Variants in ITPR2 observed in about 807,000 individuals in gnomAD.
ITPR2 encodes inositol 1,4,5-trisphosphate receptor type 2.
A neutral mutation model predicts 317.1 loss-of-function variants in ITPR2; 207 were observed. The observed-to-expected ratio is 0.65, with a 90% confidence interval of 0.58 to 0.73. The LOEUF is 0.73. Ranked by LOEUF, ITPR2 falls within the 30% of genes least tolerant of loss-of-function variation. The pLI, the probability that ITPR2 is intolerant of heterozygous loss-of-function variation, is 0.00. For synonymous variants in ITPR2, 1,156 were observed against 1,149.1 expected (o/e 1.01, Z -0.12); for missense variants, 2,613 against 3,284.0 (o/e 0.80, Z 4.99).
intron 54 of ITPR2, among the ~76,000 whole-genome samples, chr12:26,391,556 C>CTT (rs1555117374): frequency 3.4e-4 from 34 of 98,598 alleles, no homozygotes; most frequent in African/African-American, 1.2e-3. Context: ...TCTTCTTTTC[C>CTT]TTTTTTTTTT....
intron 32 of ITPR2, among the ~76,000 whole-genome samples, chr12:26,594,455 A>G (rs1412993958): frequency 6.6e-6 from 1 of 152,020 alleles, no homozygotes; most frequent in Non-Finnish European, 1.5e-5. Context: ...CAGTGAGCTA[A>G]CAGATAACAG....
intron 1 of ITPR2, among the ~76,000 whole-genome samples, chr12:26,815,465 A>G (rs117657104): frequency 0.011 from 1,695 of 152,348 alleles, 16 homozygotes; most frequent in Non-Finnish European, 0.016. Context: ...GTTTCTTTCT[A>G]TTACTATGTT....
At chr12:26,598,164 C>T (rs1201323558) in intron 30 of ITPR2, among the ~76,000 whole-genome samples, 1 of 152,066 alleles carries the variant, frequency 6.6e-6, no homozygotes, top group African/African-American at 2.4e-5. Context: ...CAATGAAGAG[C>T]TAATGTGTAG....
At chr12:26,449,235 G>A (rs1941682004) in intron 45 of ITPR2, among the ~76,000 whole-genome samples, 2 of 152,090 alleles carry the variant, frequency 1.3e-5, no homozygotes. Flanking sequence ...CCTGAAGTCA[G>A]AATAACTGCC....
chr12:26,830,945 G>A (rs1951091170), intron 1 of ITPR2, among the ~76,000 whole-genome samples: 1 of 152,150 alleles, frequency 6.6e-6, no homozygotes, highest in Non-Finnish European at 1.5e-5. Flanking sequence ...TTGTAGAACT[G>A]AGGAGACAGG....
intron 26 of ITPR2, among the ~76,000 whole-genome samples, chr12:26,614,410 C>A (rs1468397364): frequency 2.6e-5 from 4 of 152,082 alleles, no homozygotes; most frequent in Non-Finnish European, 4.4e-5. Flanking sequence ...GCTAGCAGCG[C>A]CCCCTGCCAA....
intron 5 of ITPR2, among the ~76,000 whole-genome samples, chr12:26,718,740 G>T (rs949913190): frequency 2.0e-5 from 3 of 151,862 alleles, no homozygotes; most frequent in Non-Finnish European, 4.4e-5. Context: ...CTCCCAAGTA[G>T]CTGGGATCAC....
At chr12:26,472,122 C>A (rs922440179) in intron 45 of ITPR2, among the ~76,000 whole-genome samples, 3 of 152,188 alleles carry the variant, frequency 2.0e-5, no homozygotes, top group African/African-American at 7.2e-5. Flanking sequence ...GACGGGGTTA[C>A]CCCATAAAGA....
At chr12:26,678,143 C>T (rs1209156892) in intron 13 of ITPR2, among the ~76,000 whole-genome samples, 1 of 152,060 alleles carries the variant, frequency 6.6e-6, no homozygotes, top group Non-Finnish European at 1.5e-5. Flanking sequence ...TTTTGTGTAC[C>T]CTCAGAGGTA....
At chr12:26,488,585 A>G (rs1420144119) in intron 39 of ITPR2, among the ~76,000 whole-genome samples, 1 of 152,220 alleles carries the variant, frequency 6.6e-6, no homozygotes, top group Non-Finnish European at 1.5e-5. Context: ...GCAACCCTCA[A>G]GAAAGAAGGC....
intron 37 of ITPR2, among the ~76,000 whole-genome samples, chr12:26,501,418 T>C (rs1388388040): frequency 1.3e-5 from 2 of 152,332 alleles, no homozygotes; most frequent in Middle Eastern, 3.4e-3. Context: ...CGGGAGAATA[T>C]GGTCAATCTC....
intron 55 of ITPR2, among the ~76,000 whole-genome samples, chr12:26,365,521 T>C (rs1938982322): frequency 6.6e-6 from 1 of 152,242 alleles, no homozygotes; most frequent in Admixed American, 6.5e-5. Context: ...TTGTTCATGC[T>C]TGTTTACCAT....
chr12:26,582,165 T>C (rs1945419987), intron 32 of ITPR2, among the ~76,000 whole-genome samples: 1 of 152,190 alleles, frequency 6.6e-6, no homozygotes, highest in African/African-American at 2.4e-5. Flanking sequence ...AATGATAACA[T>C]TTCACCTTGC....
chr12:26,443,516 C>T (rs898846034), intron 46 of ITPR2, 27 bp downstream of exon 46: 1 of 1,539,166 alleles, frequency 6.5e-7, no homozygotes, highest in Admixed American at 1.7e-5. Context: ...CACAGTTGGT[C>T]TCTTTCAATA....
chr12:26,714,964 T>G (rs1948710489), intron 8 of ITPR2, among the ~76,000 whole-genome samples: 1 of 152,236 alleles, frequency 6.6e-6, no homozygotes, highest in Admixed American at 6.5e-5. Context: ...CAGTGCCATT[T>G]GAGTCACATG....
At chr12:26,774,904 G>T (rs959795460) in intron 2 of ITPR2, among the ~76,000 whole-genome samples, 5 of 152,356 alleles carry the variant, frequency 3.3e-5, no homozygotes, top group African/African-American at 1.2e-4. Context: ...GTGGATGGAA[G>T]TTGGCCCCAG....
At chr12:26,510,447 C>T (rs1212542466) in intron 37 of ITPR2, among the ~76,000 whole-genome samples, 1 of 152,180 alleles carries the variant, frequency 6.6e-6, no homozygotes, top group Non-Finnish European at 1.5e-5. Flanking sequence ...ACTTTGTTGA[C>T]AAGACCTGAC....
chr12:26,596,051 C>A (rs959756261), intron 31 of ITPR2, among the ~76,000 whole-genome samples: 2 of 152,184 alleles, frequency 1.3e-5, no homozygotes, highest in African/African-American at 4.8e-5. Context: ...TTTCTATCAT[C>A]AGAAACAAAC....
At chr12:26,532,799 T>C (rs764053996) in intron 37 of ITPR2, among the ~76,000 whole-genome samples, 16 of 151,984 alleles carry the variant, frequency 1.1e-4, no homozygotes, top group Non-Finnish European at 2.2e-4. Context: ...CGATTCTCTA[T>C]CTCAGCCCCC....
Sources: gnomAD v4.1 joint callset for allele counts (sites outside exome capture counted in the v4.1 genomes callset) on GRCh38, gnomAD v4.1.1 for gene constraint, MANE v1.5 for transcripts, NCBI Gene and HGNC (gene_info 2026-07-23, HGNC 2026-07-21) for gene names.